WDR89: variants seen among roughly 807,000 people sequenced by gnomAD.
WDR89 encodes WD repeat domain 89.
A neutral mutation model predicts 29.1 loss-of-function variants in WDR89; 17 were observed. The observed-to-expected ratio is 0.58, with a 90% CI of 0.40 to 0.88. The LOEUF (loss-of-function observed/expected upper bound fraction) is 0.88. WDR89 is among the 40% of genes least tolerant of loss of function. The probability of loss-of-function intolerance (pLI) is 0.00; values close to 1 mark genes in which losing one functional copy is unlikely to be tolerated. For missense variants in WDR89, 396 were observed against 456.3 expected (o/e 0.87, Z 1.20); for synonymous variants, 138 against 157.8 (o/e 0.87, Z 0.94).
chr14:63,611,537 T>G (rs1248925607), intron 2 of WDR89, among the ~76,000 whole-genome samples: 1 of 151,884 alleles, frequency 6.6e-6, no homozygotes, highest in Non-Finnish European at 1.5e-5. Context: ...GTTAATAGTA[T>G]TATTCCAATG....
intron 2 of WDR89, among the ~76,000 whole-genome samples, chr14:63,602,759 T>C (rs12882685): frequency 7.4e-6 from 1 of 135,058 alleles, no homozygotes; most frequent in African/African-American, 3.0e-5. Flanking sequence ...GCAACAAGAG[T>C]GAAACTCCAT....
intron 2 of WDR89, 37 bp from the exon 3 acceptor site, chr14:63,600,010 G>A (rs1472357056): frequency 5.0e-6 from 6 of 1,209,270 alleles, no homozygotes; most frequent in African/African-American, 1.6e-5. Context: ...AAAAATTAAT[G>A]CTTAACAAGG....
intron 1 of WDR89, among the ~76,000 whole-genome samples, chr14:63,630,250 G>A (rs923490099): frequency 2.0e-5 from 3 of 151,388 alleles, no homozygotes; most frequent in African/African-American, 7.3e-5. Flanking sequence ...ACCCAACCCA[G>A]AGTCACATAT....
chr14:63,606,746 G>C (rs1266602726), intron 2 of WDR89, among the ~76,000 whole-genome samples: 1 of 152,150 alleles, frequency 6.6e-6, no homozygotes, highest in Non-Finnish European at 1.5e-5. Flanking sequence ...CTATGTGCTC[G>C]AAACTTCTAT....
At position 63,628,560 on chromosome 14, in the gene WDR89, AAC is replaced by A. The variant is rs1388982645; in HGVS notation, c.-137-3529_-137-3528del. On this transcript the variant is annotated intron_variant, in intron 1 of 2. Transcript: ENST00000620954. ...TGGCTAGGACAGACCCTAGAGATGT[AAC>A]ATTTGGGGAGACAACCTAATTTAAA... Among the ~76,000 whole-genome samples the A allele has an allele frequency of 2.0e-5, 3 of 152,358 alleles. No individual in the cohort carries two copies. The East Asian group carries it at 5.8e-4, about 29-fold the overall frequency.
At chr14:63,640,650 C>T (rs533136293) in intron 1 of WDR89, among the ~76,000 whole-genome samples, 2 of 151,624 alleles carry the variant, frequency 1.3e-5, no homozygotes, top group East Asian at 3.9e-4. Context: ...CACATTTTTG[C>T]ATTCGTAGTA....
At position 63,599,100 on chromosome 14, in the gene WDR89, T is replaced by C. The variant is rs755486051; in HGVS notation, c.843A>G (p.Leu281=). 3.1e-6 allele frequency: 5 copies of C among 1,614,024 alleles called. No individual in the cohort carries two copies. Among genetic ancestry groups the C allele is most frequent in the South Asian group, 1.1e-5 (1 of 91,082 alleles). Residue 281 remains leucine (L), a synonymous_variant, in exon 3 of 3, where the codon CTA becomes CTG. Transcript: ENST00000620954. ...EDALDYLIGG[L]YHEKTDTLHV... ...GCAATGTGTCTGTCTTTTCATGATA[T>C]AGGCCACCAATCAAATAGTCCAAAG...
Position 63,598,919 on chromosome 14 carries a change from C to A in WDR89, c.1024G>T (p.Asp342Tyr), listed in dbSNP as rs1894912693. Reference protein sequence around the residue: ...QDDSLLTGGEDAQLLLWKPGA... With the variant: ...QDDSLLTGGEYAQLLLWKPGA... ...GGTTTCCAAAGTAACAACTGTGCAT[C>A]TTCTCCTCCAGTCAACAAAGAATCA... The change falls in exon 3 of 3, where the codon GAT (aspartate) becomes TAT (tyrosine). Residue 342 changes from aspartate (D) to tyrosine (Y), a missense_variant. Asp to Tyr is a radical substitution (Grantham distance 160). Coordinates refer to ENST00000620954, the MANE Select transcript of WDR89 (RefSeq NM_080666.4). 6.2e-7 allele frequency: 1 copy of A among 1,614,176 alleles called. No homozygotes were observed. The highest frequency in any genetic ancestry group is 1.3e-5 in the African/African-American group (1 of 75,042).
At chr14:63,632,364 C>T (rs1883462097) in intron 1 of WDR89, among the ~76,000 whole-genome samples, 1 of 151,880 alleles carries the variant, frequency 6.6e-6, no homozygotes, top group Admixed American at 6.6e-5. Flanking sequence ...GGCGTGATGG[C>T]TCCTGCCCCT....
Position 63,599,220 on chromosome 14 carries a change from A to G in WDR89, c.723T>C (p.Phe241=), listed in dbSNP as rs749922591. ...QIYCMTHDEG[F]YWWDLNHLDT... Reference sequence around the variant, plus strand: ...CCAGATGATTAAGATCCCACCAATAAAATCCTTCATCATGTGTCATGCAGT... The same window carrying G: ...CCAGATGATTAAGATCCCACCAATAGAATCCTTCATCATGTGTCATGCAGT... Residue 241 remains phenylalanine, a synonymous_variant, in exon 3 of 3, where the codon TTT becomes TTC. Coordinates refer to ENST00000620954, the MANE Select transcript of WDR89 (RefSeq NM_080666.4). The G allele has an allele frequency of 1.2e-6, 2 of 1,605,040 alleles. No individual in the cohort carries two copies. Among genetic ancestry groups the G allele is most frequent in the Non-Finnish European group, 1.7e-6 (2 of 1,174,238 alleles).
At chr14:63,610,687 C>G (rs1462230749) in intron 2 of WDR89, among the ~76,000 whole-genome samples, 1 of 146,206 alleles carries the variant, frequency 6.8e-6, no homozygotes, top group East Asian at 2.0e-4. Flanking sequence ...GAGGAATATT[C>G]TTTTCTTTTC....
At chr14:63,603,519 T>A (rs1160317033) in intron 2 of WDR89, among the ~76,000 whole-genome samples, 1 of 152,226 alleles carries the variant, frequency 6.6e-6, no homozygotes, top group Non-Finnish European at 1.5e-5. Flanking sequence ...TCCTTTTCTA[T>A]CATTCTTTCT....
At chr14:63,611,796 G>A (rs555496265) in intron 2 of WDR89, among the ~76,000 whole-genome samples, 1 of 151,622 alleles carries the variant, frequency 6.6e-6, no homozygotes, top group African/African-American at 2.4e-5. Flanking sequence ...GTGCAATCTC[G>A]GCTCACTGCA....
At chr14:63,639,168 A>G (rs1480465798) in intron 1 of WDR89, among the ~76,000 whole-genome samples, 4 of 152,192 alleles carry the variant, frequency 2.6e-5, no homozygotes. Context: ...TGGGCCTGCA[A>G]CACTTTGACT....
At chr14:63,626,074 A>T (rs911168284) in intron 1 of WDR89, among the ~76,000 whole-genome samples, 1 of 151,956 alleles carries the variant, frequency 6.6e-6, no homozygotes, top group African/African-American at 2.4e-5. Flanking sequence ...GGATGGTCTC[A>T]ATCTCCTGAC....
intron 1 of WDR89, chr14:63,641,289 C>G (rs978379021): frequency 6.6e-6 from 1 of 152,178 alleles, no homozygotes; most frequent in Non-Finnish European, 1.5e-5. Context: ...AGAACACTCA[C>G]AGTACCTACC....
rs1881656355 is a variant in WDR89 at position 63,607,611 on chromosome 14, G to A, written c.-31-7638C>T. On this transcript the variant is annotated intron_variant, in intron 2 of 2. Transcript: ENST00000620954. The stretch of plus-strand genomic sequence containing the variant: ...ATTAAGAAACCCCAGGCCAGGCATG[G>A]TGGCTCACATCTGTAATCCCAGCAC... Among the ~76,000 whole-genome samples the A allele has an allele frequency of 2.0e-5, 3 of 152,102 alleles. No homozygotes were observed. The South Asian group carries it at 6.2e-4, about 32-fold the overall frequency.
In WDR89 at chr14:63,602,787, A is replaced by G. The variant is rs1024395405; in HGVS notation, c.-31-2814T>C. On this transcript the variant is annotated intron_variant, in intron 2 of 2. Coordinates refer to ENST00000620954, the MANE Select transcript of WDR89 (RefSeq NM_080666.4). ...AACTCCATCTCAAAAAAAAAAAAAA[A>G]GATGTAATATAAAAATTACCAGTAT... Among the ~76,000 whole-genome samples, 3 of 152,058 alleles carry G rather than the reference A, an allele frequency of 2.0e-5. No individual in the cohort carries two copies. The East Asian group carries it at 5.8e-4, about 29-fold the overall frequency.
At chr14:63,633,795 T>C (rs1883554182) in intron 1 of WDR89, among the ~76,000 whole-genome samples, 1 of 152,204 alleles carries the variant, frequency 6.6e-6, no homozygotes, top group South Asian at 2.1e-4. Context: ...GGCATAATTA[T>C]TGAACTATCC....
Sources: gnomAD v4.1 joint callset for allele counts (sites outside exome capture counted in the v4.1 genomes callset) on GRCh38, gnomAD v4.1.1 for gene constraint, MANE v1.5 for transcripts, NCBI Gene and HGNC (gene_info 2026-07-23, HGNC 2026-07-21) for gene names.